The following BCAT1 variants were observed in gnomAD, a reference collection of about 807,000 sequenced individuals.
BCAT1 encodes the protein branched chain amino acid transaminase 1.
In BCAT1, 48 loss-of-function variants were observed where a neutral mutation model predicts 52.4. The ratio of observed to expected loss-of-function variants is 0.92; its 90% CI spans 0.73 to 1.16. The LOEUF is 1.16. Ranked by LOEUF, BCAT1 falls within the 50% of genes most tolerant of loss-of-function variation. The probability of loss-of-function intolerance (pLI) is 0.00; values close to 1 mark genes in which losing one functional copy is unlikely to be tolerated. For synonymous variants in BCAT1, 167 were observed against 161.3 expected, an observed-to-expected ratio of 1.04 and a Z score of -0.27; for missense variants, 451 against 457.1, an observed-to-expected ratio of 0.99 and a Z score of 0.12.
intron 6 of BCAT1, among the ~76,000 whole-genome samples, chr12:24,849,056 A>G (rs1429184443): frequency 2.0e-5 from 3 of 152,196 alleles, no homozygotes; most frequent in African/African-American, 7.2e-5. Context: ...ACCTTCTAGG[A>G]CAGCTGCTGC....
intron 10 of BCAT1, among the ~76,000 whole-genome samples, chr12:24,821,802 A>G (rs1940145038): frequency 6.6e-6 from 1 of 152,212 alleles, no homozygotes; most frequent in Non-Finnish European, 1.5e-5. Flanking sequence ...CATCCCCAGC[A>G]CTGTGAAACT....
chr12:24,932,001 A>G (rs775692538), intron 1 of BCAT1, among the ~76,000 whole-genome samples: 2 of 152,236 alleles, frequency 1.3e-5, no homozygotes, highest in Non-Finnish European at 2.9e-5. Context: ...GAACTGTCAG[A>G]TACATTTAAC....
intron 1 of BCAT1, among the ~76,000 whole-genome samples, chr12:24,906,147 A>C (rs1299297596): frequency 9.2e-5 from 14 of 151,634 alleles, no homozygotes; most frequent in African/African-American, 2.7e-4. Context: ...CCAGGATCAC[A>C]CCACTGCACT....
At chr12:24,835,153 T>C (rs1162734928) in intron 8 of BCAT1, among the ~76,000 whole-genome samples, 6 of 152,238 alleles carry the variant, frequency 3.9e-5, no homozygotes, top group African/African-American at 1.2e-4. Context: ...TCTTTCCAAT[T>C]GCAAACATAT....
chr12:24,830,855 T>A (rs995181158), intron 9 of BCAT1: 2 of 152,198 alleles, frequency 1.3e-5, no homozygotes, highest in Non-Finnish European at 2.9e-5. Flanking sequence ...GATGCAATTA[T>A]GTCAAGAGCA....
At chr12:24,899,506 C>T (rs1943038214) in intron 2 of BCAT1, among the ~76,000 whole-genome samples, 1 of 151,776 alleles carries the variant, frequency 6.6e-6, no homozygotes, top group Non-Finnish European at 1.5e-5. Context: ...GTAGAATGAC[C>T]ATATAAACCA....
intron 10 of BCAT1, among the ~76,000 whole-genome samples, chr12:24,827,379 C>T (rs1940448209): frequency 6.6e-6 from 1 of 152,192 alleles, no homozygotes. Context: ...AGGTAGAAAA[C>T]AACTCTGACT....
chr12:24,922,243 C>T (rs1354911568), intron 1 of BCAT1, among the ~76,000 whole-genome samples: 1 of 152,176 alleles, frequency 6.6e-6, no homozygotes, highest in Non-Finnish European at 1.5e-5. Flanking sequence ...TAGCGTACTA[C>T]AGCCTTGAAC....
At chr12:24,948,814 C>G in intron 1 of BCAT1, 113 bp downstream of exon 1, 1 of 1,174,884 alleles carries the variant, frequency 8.5e-7, no homozygotes, top group South Asian at 1.4e-5. Context: ...GGGATATAAG[C>G]CATGGTTGTC....
intron 9 of BCAT1, chr12:24,830,734 G>A (rs547450331): frequency 3.0e-4 from 45 of 152,122 alleles, no homozygotes; most frequent in African/African-American, 1.0e-3. Flanking sequence ...AAAAAAATCT[G>A]GCCTAATGAC....
At chr12:24,819,148 T>G (rs552939641) in intron 10 of BCAT1, among the ~76,000 whole-genome samples, 2 of 152,168 alleles carry the variant, frequency 1.3e-5, no homozygotes, top group South Asian at 4.2e-4. Context: ...GCAAATTCCA[T>G]GTTCTTGACC....
In BCAT1 at chr12:24,815,538, C is replaced by T. The variant is rs1258296835; in HGVS notation, c.*2470G>A. 1 of 152,418 alleles carries T rather than the reference C, an allele frequency of 6.6e-6. No individual in the cohort carries two copies. Among genetic ancestry groups the T allele is most frequent in the African/African-American group, 2.4e-5 (1 of 41,400 alleles). 9.4% of individuals were successfully genotyped at this position (152,418 alleles called of 1,614,324 possible). A position where few individuals can be genotyped will look rare whatever the true frequency, so the allele number is the denominator to read the frequency against. ...ATGTGGCACTCTTGCTGTATTAATC[C>T]ACTGCAATTAAACAAATAGTGCACA... is the stretch of plus-strand genomic sequence containing the variant. On this transcript the variant is annotated 3_prime_UTR_variant, in exon 11 of 11. Transcript: ENST00000261192.
intron 7 of BCAT1, among the ~76,000 whole-genome samples, chr12:24,841,046 A>G (rs905423239): frequency 2.0e-5 from 3 of 152,142 alleles, no homozygotes; most frequent in Admixed American, 1.3e-4. Flanking sequence ...ACTTCACTGA[A>G]CCCCTATGGT....
At chr12:24,887,220 G>A (rs1170449256) in intron 3 of BCAT1, among the ~76,000 whole-genome samples, 3 of 150,574 alleles carry the variant, frequency 2.0e-5, no homozygotes, top group Non-Finnish European at 4.4e-5. Flanking sequence ...CAGGTGGTAT[G>A]GGTACCTATG....
intron 4 of BCAT1, among the ~76,000 whole-genome samples, chr12:24,879,451 G>A (rs1942433828): frequency 6.6e-6 from 1 of 152,164 alleles, no homozygotes; most frequent in Admixed American, 6.6e-5. Flanking sequence ...TTGCAAAGTA[G>A]AGAAACATAC....
chr12:24,826,154 A>G (rs11047661), intron 10 of BCAT1, among the ~76,000 whole-genome samples: 21,288 of 152,184 alleles, frequency 0.14, 1,892 homozygotes, highest in Middle Eastern at 0.23. Flanking sequence ...CAATGCCACA[A>G]TGAGCCAGGT....
Position 24,816,758 on chromosome 12 carries a change from G to A in BCAT1, c.*1250C>T, listed in dbSNP as rs189236479. 107 of 391,672 alleles carry A rather than the reference G, an allele frequency of 2.7e-4. No homozygotes were observed. In the East Asian group the frequency reaches 3.2e-3, roughly 12 times the overall value. 24.3% of individuals were successfully genotyped at this position (391,672 alleles called of 1,614,324 possible). ...AAGACAATTTTTCCACAGACTGCAG[G>A]GTGAAGGGTGGTTTCAGGATGAAAC... On this transcript the variant is annotated 3_prime_UTR_variant, in exon 11 of 11. Coordinates refer to ENST00000261192, the MANE Select transcript of BCAT1 (RefSeq NM_005504.7).
At chr12:24,877,970 A>T (rs138698511) in intron 5 of BCAT1, among the ~76,000 whole-genome samples, 79 of 152,276 alleles carry the variant, frequency 5.2e-4, no homozygotes, top group South Asian at 4.1e-3. Context: ...CCAGGACAAC[A>T]GAGTGAGACA....
chr12:24,827,620 C>T (rs1940460435), intron 10 of BCAT1, among the ~76,000 whole-genome samples: 2 of 152,064 alleles, frequency 1.3e-5, no homozygotes, highest in Non-Finnish European at 2.9e-5. Flanking sequence ...GGCGAAACCT[C>T]GACTCTACTA....
Sources: allele counts gnomAD v4.1 joint callset (sites outside exome capture counted in the v4.1 genomes callset), GRCh38; gene constraint gnomAD v4.1.1; transcripts MANE v1.5; gene names NCBI Gene and HGNC (gene_info 2026-07-23, HGNC 2026-07-21).